Variants in ITPR1 observed in about 807,000 individuals in gnomAD.
The protein encoded by ITPR1 is inositol 1,4,5-trisphosphate-gated calcium channel ITPR1.
ITPR1 carries 96 observed loss-of-function variants against 318.4 expected under a neutral mutation model. The ratio of observed to expected loss-of-function variants is 0.30; its 90% confidence interval spans 0.26 to 0.36. The LOEUF is 0.36. Among genes scored for constraint, ITPR1 ranks in the 10% least tolerant of loss-of-function variants. ITPR1 has a pLI of 1.00. For missense variants in ITPR1, 2,440 were observed against 3,460.2 expected (o/e 0.71, Z 7.40); for synonymous variants, 1,312 against 1,289.9 (o/e 1.02, Z -0.37).
chr3:4,595,314 T>G (rs2090716498), intron 4 of ITPR1, among the ~76,000 whole-genome samples: 1 of 152,180 alleles, frequency 6.6e-6, no homozygotes, highest in Non-Finnish European at 1.5e-5. Flanking sequence ...TGCAGACTCA[T>G]CTTACATGGC....
intron 51 of ITPR1, among the ~76,000 whole-genome samples, chr3:4,787,337 CAAAAAAA>C (rs71053443): frequency 7.8e-5 from 4 of 51,346 alleles, no homozygotes; most frequent in Admixed American, 3.2e-4. Flanking sequence ...GACTCCATCT[CAAAAAAA>C]AAAAAAAAAA....
chr3:4,575,545 G>A (rs957327813), intron 4 of ITPR1, among the ~76,000 whole-genome samples: 1 of 152,174 alleles, frequency 6.6e-6, no homozygotes, highest in African/African-American at 2.4e-5. Context: ...ATTGATGAAT[G>A]ACTAAGAGCT....
intron 4 of ITPR1, among the ~76,000 whole-genome samples, chr3:4,574,634 T>C (rs1270825674): frequency 6.6e-6 from 1 of 152,176 alleles, no homozygotes; most frequent in Non-Finnish European, 1.5e-5. Flanking sequence ...TGTGATGAAG[T>C]TGTTCTGATG....
intron 5 of ITPR1, among the ~76,000 whole-genome samples, chr3:4,630,196 C>T (rs1267301241): frequency 1.3e-5 from 2 of 152,122 alleles, no homozygotes; most frequent in African/African-American, 4.8e-5. Context: ...TAAGTGCTTG[C>T]ACCTCTCTGT....
chr3:4,635,390 C>G (rs541272508), intron 5 of ITPR1, among the ~76,000 whole-genome samples: 32 of 152,114 alleles, frequency 2.1e-4, no homozygotes, highest in Non-Finnish European at 3.8e-4. Context: ...GCCCAGGCTG[C>G]AGTGCAGTGG....
At chr3:4,605,546 G>A (rs866768697) in intron 4 of ITPR1, among the ~76,000 whole-genome samples, 2 of 152,064 alleles carry the variant, frequency 1.3e-5, no homozygotes, top group African/African-American at 4.8e-5. Context: ...ACTGAAATAC[G>A]GGCATGATAT....
intron 53 of ITPR1, among the ~76,000 whole-genome samples, chr3:4,798,527 T>C (rs1459645339): frequency 1.3e-5 from 2 of 152,230 alleles, no homozygotes; most frequent in African/African-American, 4.8e-5. Flanking sequence ...TACATTCACC[T>C]TGGAAAACAG....
chr3:4,713,996 T>C lies in ITPR1; in HGVS notation c.5103+2128T>C, dbSNP rs144951946. The stretch of plus-strand genomic sequence containing the variant: ...ATGCTTGACTGCCAGGAAATGCTAC[T>C]TAGCCATTCCTATTAATTGAGCTTC... On this transcript the variant is annotated intron_variant, in intron 39 of 61. Coordinates refer to ENST00000649015, the MANE Select transcript of ITPR1 (RefSeq NM_001378452.1). Among the ~76,000 whole-genome samples, 5 of 152,316 alleles carry C rather than the reference T, an allele frequency of 3.3e-5. No individual in the cohort carries two copies. The East Asian group carries it at 9.6e-4, about 29-fold the overall frequency.
At chr3:4,835,725 C>T (rs1182570023) in intron 60 of ITPR1, among the ~76,000 whole-genome samples, 1 of 152,204 alleles carries the variant, frequency 6.6e-6, no homozygotes, top group Non-Finnish European at 1.5e-5. Context: ...CTGTTCATTC[C>T]TGCCTCTCTG....
In ITPR1 at chr3:4,783,846, A is replaced by G. The variant is rs1421801695; in HGVS notation, c.6541A>G (p.Met2181Val). The G allele has an allele frequency of 6.2e-7, 1 of 1,609,282 alleles. No individual in the cohort carries two copies. The highest frequency in any genetic ancestry group is 8.5e-7 in the Non-Finnish European group (1 of 1,177,954). The change falls in exon 51 of 62, where the codon ATG becomes GTG. Residue 2181 changes from methionine to valine, a missense_variant. Met to Val is a conservative substitution (Grantham distance 21, BLOSUM62 1). Coordinates refer to ENST00000649015, the MANE Select transcript of ITPR1 (RefSeq NM_001378452.1). The part of the protein sequence containing the change: ...LARHNKELQS[M>V]LKPGGQVDGD... ...TCGGCATAACAAAGAACTTCAGAGC[A>G]TGCTGAAACCTGGTGGCCAAGTGGA...
At chr3:4,709,705 A>G (rs192692689) in intron 37 of ITPR1, among the ~76,000 whole-genome samples, 8 of 152,158 alleles carry the variant, frequency 5.3e-5, no homozygotes, top group African/African-American at 1.9e-4. Flanking sequence ...TGTGTTTTGC[A>G]TTTGAAGACC....
chr3:4,753,797 G>A (rs1279966487), intron 44 of ITPR1, among the ~76,000 whole-genome samples: 1 of 152,160 alleles, frequency 6.6e-6, no homozygotes, highest in Non-Finnish European at 1.5e-5. Flanking sequence ...AACGTGGCTG[G>A]TGTAGACACC....
At chr3:4,513,132 C>T (rs2081956830) in intron 2 of ITPR1, among the ~76,000 whole-genome samples, 1 of 152,162 alleles carries the variant, frequency 6.6e-6, no homozygotes, top group Non-Finnish European at 1.5e-5. Context: ...GGCGGGCTCT[C>T]CCACCCAGCT....
intron 44 of ITPR1, among the ~76,000 whole-genome samples, chr3:4,736,303 G>A (rs553227288): frequency 4.6e-5 from 7 of 152,274 alleles, no homozygotes; most frequent in East Asian, 3.9e-4. Context: ...ACTGAAATTC[G>A]GAGTCTCGGT....
intron 30 of ITPR1, among the ~76,000 whole-genome samples, chr3:4,685,437 C>G (rs993515197): frequency 1.3e-5 from 2 of 152,224 alleles, no homozygotes; most frequent in African/African-American, 2.4e-5. Context: ...GAAAGAGAGT[C>G]CATTTATTCT....
chr3:4,545,960 G>A (rs1025616639), intron 4 of ITPR1, among the ~76,000 whole-genome samples: 1 of 152,094 alleles, frequency 6.6e-6, no homozygotes, highest in African/African-American at 2.4e-5. Flanking sequence ...GCCTCCCAAA[G>A]TGCTGGGATT....
chr3:4,580,725 A>T (rs542223018), intron 4 of ITPR1, among the ~76,000 whole-genome samples: 1 of 152,190 alleles, frequency 6.6e-6, no homozygotes, highest in Admixed American at 6.5e-5. Flanking sequence ...ATTACAACAG[A>T]TCCTCAGTGA....
At chr3:4,777,212 G>A (rs919443929) in intron 47 of ITPR1, 52 bp from the exon 48 acceptor site, 92 of 1,097,232 alleles carry the variant, frequency 8.4e-5, no homozygotes, top group Non-Finnish European at 1.1e-4. Flanking sequence ...GGCCTTTGAC[G>A]TCTGATTTAT....
chr3:4,581,420 T>G lies in ITPR1; in HGVS notation c.164-46343T>G, dbSNP rs561272092. Among the ~76,000 whole-genome samples, 140 of 152,258 alleles carry G rather than the reference T, an allele frequency of 9.2e-4. 1 individual carries two copies. Among genetic ancestry groups the G allele is most frequent in the Admixed American group, 1.6e-3 (25 of 15,294 alleles). ...CTTTGTTCTTCCCAGACCAGTATGGTGTATGGTGGTTGCTTTTACATCAGT... is the reference window on the plus strand; with the variant it reads ...CTTTGTTCTTCCCAGACCAGTATGGGGTATGGTGGTTGCTTTTACATCAGT... On this transcript the variant is annotated intron_variant, in intron 4 of 61. Transcript: ENST00000649015.
Sources: gnomAD v4.1 joint callset for allele counts (sites outside exome capture counted in the v4.1 genomes callset) on GRCh38, gnomAD v4.1.1 for gene constraint, MANE v1.5 for transcripts, NCBI Gene and HGNC (gene_info 2026-07-23, HGNC 2026-07-21) for gene names.